Variants in TNS1 observed in about 807,000 individuals in gnomAD.
TNS1 encodes tensin-1.
In TNS1, 62 loss-of-function variants were observed where a neutral mutation model predicts 168.6. That is an observed-to-expected ratio of 0.37 (90% CI 0.30 to 0.45). The LOEUF (loss-of-function observed/expected upper bound fraction) is 0.45, where lower values mean the gene tolerates loss of function less well. Among genes scored for constraint, TNS1 ranks in the 20% least tolerant of loss-of-function variants. The pLI, the probability that TNS1 is intolerant of heterozygous loss-of-function variation, is 1.00. For synonymous variants in TNS1, 934 were observed against 933.2 expected (o/e 1.00, Z -0.02); for missense variants, 2,240 against 2,339.4 (o/e 0.96, Z 0.88).
chr2:217,910,646 C>G (rs1273516890), intron 4 of TNS1, among the ~76,000 whole-genome samples: 1 of 150,966 alleles, frequency 6.6e-6, no homozygotes, highest in Non-Finnish European at 1.5e-5. Flanking sequence ...CCTCTGGAAC[C>G]AAAGCCCCTG....
chr2:217,831,907 A>G (rs1164026611), intron 21 of TNS1, among the ~76,000 whole-genome samples: 2 of 150,710 alleles, frequency 1.3e-5, no homozygotes, highest in African/African-American at 4.9e-5. Flanking sequence ...GACCTTCTCT[A>G]TAATACTCTC....
At chr2:217,930,976 T>C (rs1363777093) in intron 3 of TNS1, among the ~76,000 whole-genome samples, 1 of 152,072 alleles carries the variant, frequency 6.6e-6, no homozygotes, top group Non-Finnish European at 1.5e-5. Context: ...GTCATGGTTC[T>C]AGTGGAACTG....
chr2:217,944,295 C>T (rs937992432), intron 3 of TNS1, among the ~76,000 whole-genome samples: 2 of 152,206 alleles, frequency 1.3e-5, no homozygotes, highest in African/African-American at 4.8e-5. Context: ...ATGTGGCTGC[C>T]CCTCCTTCAG....
intron 23 of TNS1, among the ~76,000 whole-genome samples, chr2:217,819,248 T>G (rs1203790410): frequency 1.3e-5 from 2 of 152,110 alleles, no homozygotes; most frequent in Non-Finnish European, 2.9e-5. Flanking sequence ...GTGCTAGAAT[T>G]GGGCTTTCAC....
At chr2:217,941,188 T>C (rs1956892346) in intron 3 of TNS1, among the ~76,000 whole-genome samples, 2 of 152,210 alleles carry the variant, frequency 1.3e-5, no homozygotes, top group South Asian at 4.1e-4. Context: ...GGGAGGCCTG[T>C]TTTGGGGAGG....
At chr2:218,017,879 G>A (rs964557248) in intron 1 of TNS1, among the ~76,000 whole-genome samples, 23 of 152,114 alleles carry the variant, frequency 1.5e-4, no homozygotes, top group African/African-American at 5.3e-4. Context: ...CTAGACAGAC[G>A]CTCCCCGCCA....
intron 2 of TNS1, among the ~76,000 whole-genome samples, chr2:217,987,205 C>T (rs112669932): frequency 0.015 from 2,294 of 152,268 alleles, 24 homozygotes; most frequent in Non-Finnish European, 0.025. Flanking sequence ...GCATCTTTCA[C>T]ACAGAGCCTT....
rs1043671521 is a variant in TNS1, at chr2:217,986,144, G to T, written c.148+4798C>A. ...CAGGTTGTATTAATAGCAAGCTAGGGCTAGAAACCCAGGGTCTTCCCACCC... is the reference window on the plus strand; with the variant it reads ...CAGGTTGTATTAATAGCAAGCTAGGTCTAGAAACCCAGGGTCTTCCCACCC... On this transcript the variant is annotated intron_variant, in intron 2 of 32. Coordinates refer to ENST00000682258, the MANE Select transcript of TNS1 (RefSeq NM_001387777.1). The surrounding 1 kb of genome is among the most constrained non-coding windows in gnomAD (Gnocchi z 4.7). 3.3e-5 allele frequency among the ~76,000 whole-genome samples: 5 copies of T among 152,296 alleles called. No homozygotes were observed. In the East Asian group the frequency reaches 9.7e-4, roughly 29 times the overall value.
upstream of TNS1, among the ~76,000 whole-genome samples, chr2:218,011,109 T>C (rs543588646): frequency 6.6e-6 from 1 of 152,206 alleles, no homozygotes; most frequent in Non-Finnish European, 1.5e-5. Flanking sequence ...AGCCGCCTGC[T>C]CTGGGTTCAG....
intron 3 of TNS1, among the ~76,000 whole-genome samples, chr2:217,938,525 A>C (rs904983306): frequency 6.6e-6 from 1 of 152,220 alleles, no homozygotes; most frequent in African/African-American, 2.4e-5. Context: ...TGCCAGTTAG[A>C]TTTTGGGGGG....
chr2:217,826,216 C>T (rs966599325), intron 22 of TNS1, among the ~76,000 whole-genome samples: 5 of 152,166 alleles, frequency 3.3e-5, no homozygotes, highest in Non-Finnish European at 7.3e-5. Flanking sequence ...GAACCCAGAG[C>T]GGGAAGGACC....
intron 3 of TNS1, among the ~76,000 whole-genome samples, chr2:217,964,657 T>C (rs1019835562): frequency 6.6e-6 from 1 of 152,186 alleles, no homozygotes; most frequent in African/African-American, 2.4e-5. Flanking sequence ...GAGTTCTGTA[T>C]GCAGACGAGG....
chr2:218,028,405 A>C (rs1327248044), intron 1 of TNS1, among the ~76,000 whole-genome samples: 1 of 152,164 alleles, frequency 6.6e-6, no homozygotes, highest in Non-Finnish European at 1.5e-5. Flanking sequence ...CCCTATCTGC[A>C]TTCTCTCTCC....
At chr2:217,933,049 C>T (rs1321161312) in intron 3 of TNS1, among the ~76,000 whole-genome samples, 2 of 152,194 alleles carry the variant, frequency 1.3e-5, no homozygotes, top group Non-Finnish European at 2.9e-5. Context: ...TGGCGGGAAG[C>T]CCCCTCTCAT....
rs147337281 is a variant in TNS1 at position 217,906,011 on chromosome 2, C to A, written c.321+324G>T. On this transcript the variant is annotated intron_variant, in intron 6 of 32. Transcript: ENST00000682258. ...AGGGCTCCTTCTCTGCCTCAGCCCT[C>A]GGTTTCCCTTGCTGTGGTTTTGCGC... 9.2e-5 allele frequency among the ~76,000 whole-genome samples: 14 copies of A among 152,334 alleles called. No homozygotes were observed. In the East Asian group the frequency reaches 2.7e-3, roughly 29 times the overall value.
rs1021992033 is a variant in TNS1, at chr2:217,920,195, C to T, written c.228G>A (p.Val76=). ...AGGGCAAGGAAGGGCTGTCACTCAC[C>T]ACCAGCTCATGGTTGGATGGAGGAA... ...PCVPPSNHEL[V]PITTENAPKN... is the part of the protein sequence containing the mutation. The change falls in exon 4 of 33, where the codon GTG becomes GTA. Residue 76 remains valine, a splice_region_variant and synonymous_variant. Coordinates refer to ENST00000682258, the MANE Select transcript of TNS1 (RefSeq NM_001387777.1). 1 of 703,046 alleles carries T rather than the reference C, an allele frequency of 1.4e-6. No homozygotes were observed. The highest frequency in any genetic ancestry group is 2.6e-6 in the Non-Finnish European group (1 of 385,008). The allele number at this position is 703,046 out of a possible 1,614,324, so 43.6% of individuals were successfully genotyped here. A position where few individuals can be genotyped will look rare whatever the true frequency, so the allele number is the denominator to read the frequency against.
rs138578257 is a variant in TNS1, at chr2:217,811,599, G to A, written c.5032+769C>T. On this transcript the variant is annotated intron_variant, in intron 28 of 32. Coordinates refer to ENST00000682258, the MANE Select transcript of TNS1 (RefSeq NM_001387777.1). ...GAGTGGGGAGAAGGCAGCCCAGACC[G>A]TTCCGAGACCTTGCACTGCGGGTGA... is the stretch of plus-strand genomic sequence containing the variant. Among the ~76,000 whole-genome samples the A allele has an allele frequency of 6.2e-3, 951 of 152,278 alleles. 11 individuals are homozygous for A. The highest frequency in any genetic ancestry group is 0.022 in the African/African-American group (924 of 41,552).
At chr2:217,959,388 C>T (rs933873137) in intron 3 of TNS1, among the ~76,000 whole-genome samples, 1 of 151,670 alleles carries the variant, frequency 6.6e-6, no homozygotes, top group Non-Finnish European at 1.5e-5. Flanking sequence ...TAGCATGGAA[C>T]CTGGTGTCTT....
At chr2:217,833,290 G>A (rs776977486) in intron 21 of TNS1, among the ~76,000 whole-genome samples, 11 of 152,178 alleles carry the variant, frequency 7.2e-5, no homozygotes, top group African/African-American at 1.9e-4. Flanking sequence ...TGAATTCCTC[G>A]TTCCCCCAGT....
Sources: gnomAD v4.1 joint callset for allele counts (sites outside exome capture counted in the v4.1 genomes callset) on GRCh38, gnomAD v4.1.1 for gene constraint, Gnocchi (gnomAD v3.1) non-coding constraint, MANE v1.5 for transcripts, NCBI Gene and HGNC (gene_info 2026-07-23, HGNC 2026-07-21) for gene names.